Variants in TTC29 observed in about 807,000 individuals in gnomAD.
The protein encoded by TTC29 is tetratricopeptide repeat domain 29.
Under a neutral mutation model 58.1 loss-of-function variants are expected in TTC29, and 49 were observed. The ratio of observed to expected loss-of-function variants is 0.84; its 90% CI spans 0.67 to 1.07. The LOEUF is 1.07. TTC29 is among the 50% of genes least tolerant of loss of function. The pLI, the probability that TTC29 is intolerant of heterozygous loss-of-function variation, is 0.00. For synonymous variants in TTC29, 209 were observed against 196.8 expected (o/e 1.06, Z -0.52); for missense variants, 582 against 555.6 (o/e 1.05, Z -0.48).
chr4:146,851,088 T>C (rs988794457), intron 8 of TTC29, among the ~76,000 whole-genome samples: 2 of 152,220 alleles, frequency 1.3e-5, no homozygotes, highest in Non-Finnish European at 2.9e-5. Context: ...TGTGGCAGCA[T>C]GAATAGCATA....
chr4:146,744,442 A>G (rs999754617), intron 11 of TTC29, among the ~76,000 whole-genome samples: 1 of 152,134 alleles, frequency 6.6e-6, no homozygotes, highest in South Asian at 2.1e-4. Context: ...AAGATATAGA[A>G]TGAATAGGTA....
At chr4:146,804,837 G>A (rs941723976) in intron 10 of TTC29, among the ~76,000 whole-genome samples, 4 of 152,202 alleles carry the variant, frequency 2.6e-5, no homozygotes, top group Non-Finnish European at 1.5e-5. Flanking sequence ...CCTGCCTGCC[G>A]GCCCTGAAGA....
chr4:146,856,021 G>T (rs947161234), intron 8 of TTC29, among the ~76,000 whole-genome samples: 2 of 152,100 alleles, frequency 1.3e-5, no homozygotes, highest in Non-Finnish European at 2.9e-5. Context: ...AACTATGCAG[G>T]TTGCTTTATT....
chr4:146,769,501 T>C (rs1747562896), intron 11 of TTC29, among the ~76,000 whole-genome samples: 1 of 151,996 alleles, frequency 6.6e-6, no homozygotes, highest in Admixed American at 6.6e-5. Flanking sequence ...GATACTAAAA[T>C]AGGGATTAAG....
intron 8 of TTC29, among the ~76,000 whole-genome samples, chr4:146,837,034 C>G (rs1383399573): frequency 6.6e-6 from 1 of 152,074 alleles, no homozygotes; most frequent in Non-Finnish European, 1.5e-5. Flanking sequence ...ACCATAAAGA[C>G]ACATGCATGC....
At chr4:146,924,699 G>T (rs202119845) in intron 4 of TTC29, among the ~76,000 whole-genome samples, 27,132 of 151,406 alleles carry the variant, frequency 0.18, 3,950 homozygotes, top group African/African-American at 0.39. Context: ...AGTTTCATGG[G>T]TTTTTTGGTT....
At chr4:146,782,845 A>G (rs951707547) in intron 11 of TTC29, among the ~76,000 whole-genome samples, 16 of 152,126 alleles carry the variant, frequency 1.1e-4, no homozygotes, top group African/African-American at 3.6e-4. Flanking sequence ...ATATTATTTT[A>G]TTTAAGTTAA....
Position 146,909,049 on chromosome 4 carries a change from C to G in TTC29, c.377G>C (p.Arg126Thr). The G allele has an allele frequency of 6.2e-7, 1 of 1,613,882 alleles. No individual in the cohort carries two copies. The highest frequency in any genetic ancestry group is 8.5e-7 in the Non-Finnish European group (1 of 1,179,840). ...ACCTTTCCTCTCAGCGTCCTCAGCC[C>G]TGGTCAGGTAATGGTACAGGTAATC... ...KLDYLYHYLT[R>T]AEDAERKESF... The change falls in exon 5 of 13, where the codon AGG (arginine) becomes ACG (threonine). Residue 126 changes from arginine to threonine, a missense_variant. By Grantham distance (71) the Arg-to-Thr change is moderately conservative. Transcript: ENST00000325106.
chr4:146,772,853 A>G (rs1579638487), intron 11 of TTC29, among the ~76,000 whole-genome samples: 1 of 152,068 alleles, frequency 6.6e-6, no homozygotes, highest in South Asian at 2.1e-4. Flanking sequence ...CTTTCTATCT[A>G]TGAGCATGGA....
chr4:146,733,649 G>A (rs1335205925), intron 11 of TTC29, among the ~76,000 whole-genome samples: 1 of 152,008 alleles, frequency 6.6e-6, no homozygotes, highest in African/African-American at 2.4e-5. Context: ...TTCATCTTAA[G>A]GATGACAAAT....
intron 11 of TTC29, among the ~76,000 whole-genome samples, chr4:146,713,111 C>T (rs201032920): frequency 5.7e-5 from 8 of 139,542 alleles, no homozygotes; most frequent in Non-Finnish European, 7.7e-5. Context: ...GAGAATTGAT[C>T]GTGTGTGTGT....
intron 8 of TTC29, among the ~76,000 whole-genome samples, chr4:146,857,023 T>C (rs1259423363): frequency 1.3e-5 from 2 of 152,032 alleles, no homozygotes; most frequent in Non-Finnish European, 2.9e-5. Context: ...TATTTCCAAG[T>C]AACTATTCAA....
chr4:146,941,902 GAGA>G (rs1014492898), intron 2 of TTC29, among the ~76,000 whole-genome samples: 3 of 152,158 alleles, frequency 2.0e-5, no homozygotes, highest in Non-Finnish European at 2.9e-5. Context: ...GGTAGGAGTA[GAGA>G]AGGAGAGATG....
At chr4:146,716,491 T>C (rs965767116) in intron 11 of TTC29, among the ~76,000 whole-genome samples, 1 of 151,986 alleles carries the variant, frequency 6.6e-6, no homozygotes, top group African/African-American at 2.4e-5. Context: ...ACTTGATGGG[T>C]TTGGAGCTAA....
At chr4:146,922,537 G>A (rs1415578397) in intron 4 of TTC29, among the ~76,000 whole-genome samples, 2 of 151,694 alleles carry the variant, frequency 1.3e-5, no homozygotes, top group Admixed American at 6.6e-5. Flanking sequence ...TGATGTGCCA[G>A]GTGCTGTTTT....
chr4:146,849,660 C>T (rs1353702086), intron 8 of TTC29, among the ~76,000 whole-genome samples: 2 of 152,066 alleles, frequency 1.3e-5, no homozygotes, highest in African/African-American at 4.8e-5. Flanking sequence ...GAAATGAACC[C>T]CTTTTCACTT....
chr4:146,794,498 A>G (rs1321592033), intron 11 of TTC29, among the ~76,000 whole-genome samples: 5 of 152,094 alleles, frequency 3.3e-5, no homozygotes, highest in Non-Finnish European at 5.9e-5. Flanking sequence ...ACGGTACAGT[A>G]TAAATATTAA....
chr4:146,899,603 T>G (rs1044573948), intron 6 of TTC29, among the ~76,000 whole-genome samples: 1 of 152,130 alleles, frequency 6.6e-6, no homozygotes, highest in Non-Finnish European at 1.5e-5. Flanking sequence ...AAGACCCATT[T>G]TTAGCAGCAG....
intron 8 of TTC29, among the ~76,000 whole-genome samples, chr4:146,867,245 CTATT>C (rs1730621386): frequency 6.6e-6 from 1 of 152,074 alleles, no homozygotes; most frequent in Admixed American, 6.6e-5. Flanking sequence ...CCATATTACT[CTATT>C]TATTTAATTT....
Sources: gnomAD v4.1 joint callset for allele counts (sites outside exome capture counted in the v4.1 genomes callset) on GRCh38, gnomAD v4.1.1 for gene constraint, MANE v1.5 for transcripts, NCBI Gene and HGNC (gene_info 2026-07-23, HGNC 2026-07-21) for gene names.